RIGI: variants seen among roughly 807,000 people sequenced by gnomAD.
RIGI encodes the protein RNA sensor RIG-I.
the RIGI span, chr9:32,492,508 C>CAAGGT: frequency 6.2e-7 from 1 of 1,614,162 alleles, no homozygotes; most frequent in East Asian, 2.2e-5. Context: ...AATTTCTCTG[C>CAAGGT]ACCTGCCATC....
chr9:32,521,162 A>AAAAAAAAAAAAAAAAAAAAT, the RIGI span, among the ~76,000 whole-genome samples: 1 of 147,914 alleles, frequency 6.8e-6, no homozygotes, highest in Non-Finnish European at 1.5e-5. Flanking sequence ...AAAAAAAAAA[A>AAAAAAAAAAAAAAAAAAAAT]CTTCACAGAA....
chr9:32,464,690 T>TGAAAGCAAATCCTTC, the RIGI span, among the ~76,000 whole-genome samples: 2 of 152,222 alleles, frequency 1.3e-5, no homozygotes, highest in African/African-American at 2.4e-5. Context: ...ACTAAGCCTT[T>TGAAAGCAAATCCTTC]GAAAGCAAAT....
chr9:32,506,708 A>C, the RIGI span, among the ~76,000 whole-genome samples: 1 of 152,084 alleles, frequency 6.6e-6, no homozygotes, highest in Admixed American at 6.6e-5. Flanking sequence ...ATTTTATTTT[A>C]CGTATCTATT....
At chr9:32,468,838 A>G in the RIGI span, among the ~76,000 whole-genome samples, 1 of 152,124 alleles carries the variant, frequency 6.6e-6, no homozygotes, top group Non-Finnish European at 1.5e-5. Flanking sequence ...TGCCACACCC[A>G]CCCACAATAC....
At chr9:32,469,231 T>G in the RIGI span, among the ~76,000 whole-genome samples, 20 of 152,272 alleles carry the variant, frequency 1.3e-4, no homozygotes, top group African/African-American at 4.8e-4. Context: ...TCTGTGAGTG[T>G]GAGCTATAAC....
chr9:32,485,088 G>A, the RIGI span: 1 of 973,062 alleles, frequency 1.0e-6, no homozygotes, highest in East Asian at 2.4e-5. Flanking sequence ...GACATTGTCT[G>A]AACTAAGGAG....
At chr9:32,505,282 A>G in the RIGI span, among the ~76,000 whole-genome samples, 1 of 152,010 alleles carries the variant, frequency 6.6e-6, no homozygotes, top group African/African-American at 2.4e-5. Context: ...AAAAATGTAA[A>G]TCAACTTCAT....
the RIGI span, among the ~76,000 whole-genome samples, chr9:32,477,490 G>A: frequency 6.6e-6 from 1 of 152,112 alleles, no homozygotes; most frequent in Non-Finnish European, 1.5e-5. Context: ...AAAAGATCAT[G>A]GGCTATGCAT....
At chr9:32,493,421 C>T in the RIGI span, among the ~76,000 whole-genome samples, 1 of 152,116 alleles carries the variant, frequency 6.6e-6, no homozygotes, top group Non-Finnish European at 1.5e-5. Context: ...GTCAGGAGTT[C>T]GAGACCAGCC....
the RIGI span, among the ~76,000 whole-genome samples, chr9:32,490,827 C>T: frequency 2.0e-5 from 3 of 152,266 alleles, no homozygotes; most frequent in South Asian, 6.2e-4. Context: ...GTGTTGCAAA[C>T]GACACAGGCT....
chr9:32,491,364 G>A, the RIGI span: 2 of 1,612,922 alleles, frequency 1.2e-6, no homozygotes, highest in Admixed American at 1.7e-5. Context: ...TAGAAAATCT[G>A]TATGTCAGAA....
the RIGI span, among the ~76,000 whole-genome samples, chr9:32,474,271 G>C: frequency 1.3e-5 from 2 of 150,274 alleles, no homozygotes; most frequent in Admixed American, 1.3e-4. Context: ...TAATACCTAG[G>C]TATAAGTCTA....
At chr9:32,477,047 T>C in the RIGI span, 2 of 1,614,070 alleles carry the variant, frequency 1.2e-6, no homozygotes, top group Non-Finnish European at 1.7e-6. Flanking sequence ...GTGGTACTCT[T>C]CTTGTAAGAT....
At chr9:32,482,790 C>G in the RIGI span, among the ~76,000 whole-genome samples, 2,972 of 151,494 alleles carry the variant, frequency 0.02, 106 homozygotes, top group African/African-American at 0.067. Flanking sequence ...ACCCAGGAGA[C>G]GGAGGTTGCA....
the RIGI span, among the ~76,000 whole-genome samples, chr9:32,481,791 GT>G: frequency 1.3e-5 from 2 of 152,058 alleles, no homozygotes; most frequent in Non-Finnish European, 2.9e-5. Context: ...TCACCATGTT[GT>G]CAAGCTGGTT....
chr9:32,459,218 A>AT, the RIGI span, among the ~76,000 whole-genome samples: 3,839 of 151,036 alleles, frequency 0.025, 164 homozygotes, highest in African/African-American at 0.087. Context: ...AACATTTAGT[A>AT]TTTTTTTTTC....
chr9:32,483,325 G>A, the RIGI span, among the ~76,000 whole-genome samples: 2 of 152,274 alleles, frequency 1.3e-5, no homozygotes, highest in Admixed American at 1.3e-4. Flanking sequence ...CAGCTACAGC[G>A]AGGTGGCCAG....
At chr9:32,479,583 T>C in the RIGI span, among the ~76,000 whole-genome samples, 14 of 152,194 alleles carry the variant, frequency 9.2e-5, no homozygotes. Flanking sequence ...ATGCCTGTAA[T>C]TCCAGCATTT....
the RIGI span, among the ~76,000 whole-genome samples, chr9:32,524,209 T>C: frequency 6.6e-6 from 1 of 152,204 alleles, no homozygotes; most frequent in Admixed American, 6.5e-5. Flanking sequence ...CAGTTTCTAC[T>C]GTGCTCATCA....
Sources: allele counts gnomAD v4.1 joint callset (sites outside exome capture counted in the v4.1 genomes callset), GRCh38; gene constraint gnomAD v4.1.1; transcripts MANE v1.5; gene names NCBI Gene and HGNC (gene_info 2026-07-23, HGNC 2026-07-21).